Variants in JCAD observed in about 807,000 individuals in gnomAD.
JCAD encodes the protein junctional cadherin 5 associated.
A neutral mutation model predicts 98.0 loss-of-function variants in JCAD; 40 were observed. The observed-to-expected ratio is 0.41, with a 90% CI of 0.32 to 0.53. The LOEUF is 0.53. Among genes scored for constraint, JCAD ranks in the 20% least tolerant of loss-of-function variants. JCAD has a pLI of 0.31. For missense variants in JCAD, 1,705 were observed against 1,738.1 expected, an observed-to-expected ratio of 0.98 and a Z score of 0.34; for synonymous variants, 691 against 682.3, an observed-to-expected ratio of 1.01 and a Z score of -0.20.
rs1211250589 is a variant in JCAD, at chr10:30,014,370, A to T, written c.*3513T>A. 1 of 152,234 alleles carries T rather than the reference A, an allele frequency of 6.6e-6. No individual in the cohort carries two copies. The highest frequency in any genetic ancestry group is 1.5e-5 in the Non-Finnish European group (1 of 68,030). The allele number at this position is 152,234 out of a possible 1,614,324, so 9.4% of individuals were successfully genotyped here. The stretch of plus-strand genomic sequence containing the variant: ...GGTAGAACAATGCTCCCCAACGCTA[A>T]AGTAATTGCTTCTAAGAACTTAGGA... On this transcript the variant is annotated 3_prime_UTR_variant, in exon 4 of 4. Coordinates refer to ENST00000375377, the MANE Select transcript of JCAD (RefSeq NM_020848.4).
intron 1 of JCAD, among the ~76,000 whole-genome samples, chr10:30,096,218 G>A: frequency 6.6e-6 from 1 of 152,128 alleles, no homozygotes; most frequent in South Asian, 2.1e-4. Flanking sequence ...AGGTGCTGGG[G>A]ACAGAGGCAT....
chr10:30,107,006 C>T (rs1838597104), intron 1 of JCAD, among the ~76,000 whole-genome samples: 1 of 152,194 alleles, frequency 6.6e-6, no homozygotes, highest in Non-Finnish European at 1.5e-5. Context: ...ACTTACTGTC[C>T]CATGGCAGTC....
chr10:30,072,129 G>T (rs1446291528), intron 1 of JCAD, among the ~76,000 whole-genome samples: 2 of 151,936 alleles, frequency 1.3e-5, no homozygotes, highest in Non-Finnish European at 2.9e-5. Context: ...GGAAGGGCAG[G>T]GCAGGGCAGG....
At position 30,047,801 on chromosome 10, in the gene JCAD, T is replaced by C. The variant is rs182750068; in HGVS notation, c.12A>G (p.Val4=). The C allele has an allele frequency of 6.2e-7, 1 of 1,611,302 alleles. No homozygotes were observed. The highest frequency in any genetic ancestry group is 8.5e-7 in the Non-Finnish European group (1 of 1,178,520). ...ATCCATGAGAGATCAGGAGGTCTTCTACACTGTACATGATGCCTGGGCTTC... is the reference window on the plus strand; with the variant it reads ...ATCCATGAGAGATCAGGAGGTCTTCCACACTGTACATGATGCCTGGGCTTC... MYS[V]EDLLISHGYK... The change falls in exon 2 of 4, where the codon GTA becomes GTG. Residue 4 remains valine, a synonymous_variant. Transcript: ENST00000375377.
intron 2 of JCAD, among the ~76,000 whole-genome samples, chr10:30,035,596 T>C (rs1837090549): frequency 6.6e-6 from 1 of 152,272 alleles, no homozygotes; most frequent in Admixed American, 6.5e-5. Flanking sequence ...CCAGCTAAAA[T>C]GTGTACTGCT....
chr10:30,070,370 CAGGAT>C (rs1837862931), intron 1 of JCAD, among the ~76,000 whole-genome samples: 2 of 152,182 alleles, frequency 1.3e-5, no homozygotes, highest in African/African-American at 4.8e-5. Context: ...TAAGATCCAG[CAGGAT>C]GTCCTGTGTC....
intron 1 of JCAD, among the ~76,000 whole-genome samples, chr10:30,049,188 G>C (rs147299855): frequency 6.6e-6 from 1 of 152,162 alleles, no homozygotes; most frequent in Admixed American, 6.5e-5. Context: ...CTGCTTCTAC[G>C]GGGGCTGATG....
At chr10:30,054,665 G>GA (rs1324009712) in intron 1 of JCAD, among the ~76,000 whole-genome samples, 1 of 144,452 alleles carries the variant, frequency 6.9e-6, no homozygotes, top group Non-Finnish European at 1.5e-5. Flanking sequence ...GTTAGATGAG[G>GA]AAAATGCATC....
At chr10:30,041,743 T>C (rs1837246570) in intron 2 of JCAD, among the ~76,000 whole-genome samples, 1 of 152,230 alleles carries the variant, frequency 6.6e-6, no homozygotes, top group Non-Finnish European at 1.5e-5. Flanking sequence ...CCAATTATGG[T>C]ATAACTTTCA....
chr10:30,021,706 G>A (rs943419512), intron 3 of JCAD, among the ~76,000 whole-genome samples: 3 of 152,062 alleles, frequency 2.0e-5, no homozygotes. Flanking sequence ...CAATTTGCAT[G>A]AGCCATATTT....
At chr10:30,031,502 C>T (rs1299197010) in intron 2 of JCAD, among the ~76,000 whole-genome samples, 3 of 136,890 alleles carry the variant, frequency 2.2e-5, no homozygotes, top group African/African-American at 8.3e-5. Flanking sequence ...AGTGCAGTGG[C>T]ACAATCTCGG....
chr10:30,052,744 C>G (rs1257482983), intron 1 of JCAD, among the ~76,000 whole-genome samples: 1 of 152,074 alleles, frequency 6.6e-6, no homozygotes, highest in Admixed American at 6.5e-5. Flanking sequence ...AATAAGACCC[C>G]GTCAGCACCC....
chr10:30,079,661 G>A (rs997501409), intron 1 of JCAD, among the ~76,000 whole-genome samples: 4 of 152,024 alleles, frequency 2.6e-5, no homozygotes, highest in Admixed American at 6.6e-5. Context: ...GACACACAAC[G>A]TGGCCACTCC....
At chr10:30,048,741 A>G (rs1165690407) in intron 1 of JCAD, among the ~76,000 whole-genome samples, 2 of 151,378 alleles carry the variant, frequency 1.3e-5, no homozygotes, top group East Asian at 3.9e-4. Flanking sequence ...AATTTTTTGT[A>G]TTTTTTTGCA....
At chr10:30,104,185 G>T (rs1838523941) in intron 1 of JCAD, among the ~76,000 whole-genome samples, 1 of 152,202 alleles carries the variant, frequency 6.6e-6, no homozygotes, top group East Asian at 1.9e-4. Flanking sequence ...TCCTGAGAGG[G>T]TTGCAGGTGG....
chr10:30,086,934 C>T (rs989559234), intron 1 of JCAD, among the ~76,000 whole-genome samples: 9 of 152,186 alleles, frequency 5.9e-5, no homozygotes, highest in Non-Finnish European at 1.5e-5. Flanking sequence ...CTCCTGCTGT[C>T]ACCTGTTACA....
chr10:30,054,502 A>G (rs1589696689), intron 1 of JCAD, among the ~76,000 whole-genome samples: 1 of 151,688 alleles, frequency 6.6e-6, no homozygotes, highest in East Asian at 1.9e-4. Flanking sequence ...TAATATCCAC[A>G]TTCTTATTAT....
intron 3 of JCAD, among the ~76,000 whole-genome samples, chr10:30,020,400 C>T (rs961367317): frequency 1.3e-5 from 2 of 151,172 alleles, no homozygotes; most frequent in African/African-American, 4.9e-5. Context: ...GACAACTGTG[C>T]ATTAAAAAGG....
intron 2 of JCAD, among the ~76,000 whole-genome samples, chr10:30,046,501 G>A (rs930099742): frequency 7.9e-5 from 12 of 152,192 alleles, no homozygotes; most frequent in Non-Finnish European, 1.8e-4. Flanking sequence ...TTTACAAACG[G>A]AGGGGAATAC....
Sources: allele counts gnomAD v4.1 joint callset (sites outside exome capture counted in the v4.1 genomes callset), GRCh38; gene constraint gnomAD v4.1.1; transcripts MANE v1.5; gene names NCBI Gene and HGNC (gene_info 2026-07-23, HGNC 2026-07-21).